Variants in DRC11 observed in about 807,000 individuals in gnomAD.
DRC11 encodes the protein IQ and AAA domain-containing protein 1.
the DRC11 span, among the ~76,000 whole-genome samples, chr2:236,448,145 C>T: frequency 6.6e-6 from 1 of 152,172 alleles, no homozygotes; most frequent in Admixed American, 6.5e-5. This position sits in a 1 kb window ranked among gnomAD's most constrained non-coding sequence, Gnocchi z 5.3. Flanking sequence ...TTACAAACTG[C>T]AAAGAAAAAC....
the DRC11 span, chr2:236,408,119 C>A: frequency 1.5e-6 from 1 of 656,266 alleles, no homozygotes. The surrounding 1 kb of genome is among the most constrained non-coding windows in gnomAD (Gnocchi z 5.5). Flanking sequence ...ACAAAGCCAC[C>A]CAGAGAGTTG....
the DRC11 span, among the ~76,000 whole-genome samples, chr2:236,339,224 G>C: frequency 1.3e-5 from 2 of 152,290 alleles, no homozygotes; most frequent in Middle Eastern, 3.4e-3. Flanking sequence ...GGAAAAATGT[G>C]TATTTAGATT....
the DRC11 span, among the ~76,000 whole-genome samples, chr2:236,466,892 G>T: frequency 1.3e-5 from 2 of 152,148 alleles, no homozygotes; most frequent in African/African-American, 2.4e-5. Flanking sequence ...GTCCTTGAGT[G>T]TAACTTTCAG....
chr2:236,507,139 G>A, the DRC11 span: 25 of 963,720 alleles, frequency 2.6e-5, no homozygotes, highest in Non-Finnish European at 2.4e-5. Context: ...GGAGAGGAGG[G>A]AAGTTGAGAG....
chr2:236,367,750 GA>G, the DRC11 span: 1 of 188,604 alleles, frequency 5.3e-6, no homozygotes, highest in Non-Finnish European at 1.1e-5. The surrounding 1 kb of genome is among the most constrained non-coding windows in gnomAD (Gnocchi z 4.8). Flanking sequence ...AGACGTCGGT[GA>G]AAACTGGCAG....
At chr2:236,497,136 CTAA>C in the DRC11 span, 1 of 1,543,484 alleles carries the variant, frequency 6.5e-7, no homozygotes, top group African/African-American at 1.4e-5. The surrounding 1 kb of genome is among the most constrained non-coding windows in gnomAD (Gnocchi z 5.1). Flanking sequence ...AAAAAAGCAA[CTAA>C]TAAGAAAACA....
the DRC11 span, among the ~76,000 whole-genome samples, chr2:236,502,865 G>A: frequency 2.0e-5 from 3 of 150,824 alleles, no homozygotes; most frequent in Admixed American, 6.6e-5. Context: ...TGAGATGGGA[G>A]ACTCACTTGA....
At chr2:236,473,509 C>A in the DRC11 span, among the ~76,000 whole-genome samples, 1 of 152,198 alleles carries the variant, frequency 6.6e-6, no homozygotes, top group African/African-American at 2.4e-5. The surrounding 1 kb of genome is among the most constrained non-coding windows in gnomAD (Gnocchi z 4.8). Flanking sequence ...AGTGACAGGT[C>A]TTCCTCTTTA....
At chr2:236,377,294 ACATTTGTT>A in the DRC11 span, 1 of 633,030 alleles carries the variant, frequency 1.6e-6, no homozygotes, top group African/African-American at 1.8e-5. The surrounding 1 kb of genome is among the most constrained non-coding windows in gnomAD (Gnocchi z 4.9). Context: ...ATTTCAAAGT[ACATTTGTT>A]CATATGCAAA....
chr2:236,308,599 G>A, the DRC11 span, among the ~76,000 whole-genome samples: 1 of 152,186 alleles, frequency 6.6e-6, no homozygotes, highest in Non-Finnish European at 1.5e-5. This position sits in a 1 kb window ranked among gnomAD's most constrained non-coding sequence, Gnocchi z 6.0. Context: ...CATCCAGAAG[G>A]AATGTGCAGC....
At chr2:236,465,249 G>A in the DRC11 span, among the ~76,000 whole-genome samples, 2 of 152,156 alleles carry the variant, frequency 1.3e-5, no homozygotes, top group African/African-American at 4.8e-5. The surrounding 1 kb of genome is among the most constrained non-coding windows in gnomAD (Gnocchi z 6.2). Context: ...CCTGGCCTGT[G>A]AAGTCCTGCC....
At chr2:236,337,992 T>G in the DRC11 span, among the ~76,000 whole-genome samples, 1 of 152,152 alleles carries the variant, frequency 6.6e-6, no homozygotes, top group Non-Finnish European at 1.5e-5. This position sits in a 1 kb window ranked among gnomAD's most constrained non-coding sequence, Gnocchi z 4.9. Flanking sequence ...TTGTCTTGGG[T>G]AGAGAGATAT....
chr2:236,343,720 A>C, the DRC11 span: 1 of 1,304,184 alleles, frequency 7.7e-7, no homozygotes, highest in Non-Finnish European at 1.0e-6. This position sits in a 1 kb window ranked among gnomAD's most constrained non-coding sequence, Gnocchi z 6.6. Flanking sequence ...GGACCTTTTC[A>C]AGTTTTTCTG....
At chr2:236,472,919 C>A in the DRC11 span, among the ~76,000 whole-genome samples, 1 of 152,156 alleles carries the variant, frequency 6.6e-6, no homozygotes, top group Non-Finnish European at 1.5e-5. The surrounding 1 kb of genome is among the most constrained non-coding windows in gnomAD (Gnocchi z 4.6). Flanking sequence ...GGGGAGCAGG[C>A]CTTCAAAGCT....
chr2:236,419,569 C>T, the DRC11 span, among the ~76,000 whole-genome samples: 1 of 152,174 alleles, frequency 6.6e-6, no homozygotes, highest in African/African-American at 2.4e-5. This position sits in a 1 kb window ranked among gnomAD's most constrained non-coding sequence, Gnocchi z 4.8. Context: ...TCCACAAACT[C>T]TAGGGGAGGT....
At chr2:236,436,943 A>C in the DRC11 span, among the ~76,000 whole-genome samples, 1 of 152,002 alleles carries the variant, frequency 6.6e-6, no homozygotes, top group East Asian at 1.9e-4. Flanking sequence ...CTTTTTTAAA[A>C]ATTTATTATT....
the DRC11 span, chr2:236,324,664 C>A: frequency 4.4e-6 from 6 of 1,357,354 alleles, no homozygotes; most frequent in African/African-American, 7.2e-5. This position sits in a 1 kb window ranked among gnomAD's most constrained non-coding sequence, Gnocchi z 5.7. Flanking sequence ...ATTACTTTTT[C>A]TTTTTTGCCT....
the DRC11 span, among the ~76,000 whole-genome samples, chr2:236,389,768 T>C: frequency 6.6e-6 from 1 of 152,256 alleles, no homozygotes; most frequent in African/African-American, 2.4e-5. Flanking sequence ...AAGAGTGTGT[T>C]GTTTAATTTC....
the DRC11 span, among the ~76,000 whole-genome samples, chr2:236,433,286 T>C: frequency 6.6e-6 from 1 of 152,272 alleles, no homozygotes; most frequent in South Asian, 2.1e-4. Context: ...TCCCCGCCAA[T>C]GCCCCAATAT....
Sources: gnomAD v4.1 joint callset for allele counts (sites outside exome capture counted in the v4.1 genomes callset) on GRCh38, gnomAD v4.1.1 for gene constraint, Gnocchi (gnomAD v3.1) non-coding constraint, MANE v1.5 for transcripts, NCBI Gene and HGNC (gene_info 2026-07-23, HGNC 2026-07-21) for gene names.